The following TLK2 variants were observed in gnomAD, a reference collection of about 807,000 sequenced individuals.
The protein encoded by TLK2 is tousled like kinase 2, also known as serine/threonine-protein kinase tousled-like 2.
A neutral mutation model predicts 117.3 loss-of-function variants in TLK2; 6 were observed. The ratio of observed to expected loss-of-function variants is 0.05; its 90% confidence interval spans 0.03 to 0.10. TLK2 has a LOEUF of 0.10. TLK2 is among the 10% of genes least tolerant of loss of function. The probability of loss-of-function intolerance (pLI) is 1.00; values close to 1 mark genes in which losing one functional copy is unlikely to be tolerated. For synonymous variants in TLK2, 257 were observed against 316.7 expected (o/e 0.81, Z 2.00); for missense variants, 299 against 901.2 (o/e 0.33, Z 8.56).
intron 21 of TLK2, among the ~76,000 whole-genome samples, chr17:62,610,903 G>C (rs192253686): frequency 2.6e-5 from 4 of 152,326 alleles, no homozygotes; most frequent in Admixed American, 6.5e-5. Flanking sequence ...CCTATGGGAA[G>C]ATGAGGTGGC....
At chr17:62,538,040 T>TTG (rs968819540) in intron 7 of TLK2, among the ~76,000 whole-genome samples, 11 of 143,808 alleles carry the variant, frequency 7.6e-5, no homozygotes, top group Non-Finnish European at 1.5e-4. Flanking sequence ...TTTGTTTTTT[T>TTG]TTTTTTTTTT....
intron 19 of TLK2, among the ~76,000 whole-genome samples, chr17:62,605,447 A>G (rs1179711474): frequency 1.3e-5 from 2 of 152,006 alleles, no homozygotes; most frequent in African/African-American, 4.8e-5. Flanking sequence ...ATCTTGGCTC[A>G]CTGCAGTCAA....
At chr17:62,487,764 C>G (rs1459917650) in intron 2 of TLK2, among the ~76,000 whole-genome samples, 1 of 149,394 alleles carries the variant, frequency 6.7e-6, no homozygotes, top group Non-Finnish European at 1.5e-5. Context: ...GCTGGGATTA[C>G]AGGCATGCGC....
chr17:62,576,650 T>C, intron 12 of TLK2, 59 bp from the exon 13 acceptor site: 1 of 1,348,854 alleles, frequency 7.4e-7, no homozygotes, highest in Non-Finnish European at 1.1e-6. Context: ...GCATTTCTCT[T>C]TAAACAGGCA....
chr17:62,577,085 C>T (rs2080861585), intron 13 of TLK2, among the ~76,000 whole-genome samples: 2 of 150,804 alleles, frequency 1.3e-5, no homozygotes, highest in African/African-American at 2.4e-5. Flanking sequence ...GTCTCAGCCT[C>T]CTGACTAGCT....
chr17:62,561,082 G>T lies in TLK2; in HGVS notation c.831+956G>T, dbSNP rs188871346. Reference sequence around the variant, plus strand: ...TATGAGTGAGAACATGCAGTGTTTGGTTTTTTTGTCCTTGCGATAGTTTGC... The same window carrying T: ...TATGAGTGAGAACATGCAGTGTTTGTTTTTTTTGTCCTTGCGATAGTTTGC... On this transcript the variant is annotated intron_variant, in intron 10 of 21. Coordinates refer to ENST00000346027, the MANE Select transcript of TLK2 (RefSeq NM_006852.6). Among the ~76,000 whole-genome samples the T allele has an allele frequency of 6.7e-3, 1,016 of 152,046 alleles. 88 individuals carry two copies. In the East Asian group the frequency reaches 0.17, roughly 26 times the overall value.
chr17:62,556,455 T>C (rs1044189101), intron 9 of TLK2, among the ~76,000 whole-genome samples: 1 of 152,228 alleles, frequency 6.6e-6, no homozygotes, highest in African/African-American at 2.4e-5. Flanking sequence ...TGTTAAATTT[T>C]CTCTGCCTTA....
upstream of TLK2, among the ~76,000 whole-genome samples, chr17:62,477,170 T>A (rs2071075063): frequency 1.3e-5 from 2 of 152,178 alleles, no homozygotes. Context: ...ATTAAAGACC[T>A]AGCCTCACTG....
At chr17:62,521,063 G>A (rs1378631676) in intron 3 of TLK2, among the ~76,000 whole-genome samples, 1 of 152,142 alleles carries the variant, frequency 6.6e-6, no homozygotes, top group African/African-American at 2.4e-5. Context: ...GCTACTTGGA[G>A]GTCGGAGGAT....
intron 7 of TLK2, among the ~76,000 whole-genome samples, chr17:62,547,164 A>G (rs1162776841): frequency 6.6e-6 from 1 of 152,216 alleles, no homozygotes; most frequent in Non-Finnish European, 1.5e-5. Context: ...TTGAAAATCA[A>G]GTGCTAAACT....
Position 62,596,623 on chromosome 17 carries a change from A to T in TLK2, c.1499A>T (p.Asp500Val), listed in dbSNP as rs757207258. Residue 500 changes from aspartate to valine, a missense_variant, in exon 17 of 22, where the codon GAT (aspartate) becomes GTT (valine). This residue lies in a region of TLK2 where 81 missense variants were observed against 370.9 expected (regional missense o/e 0.22). Transcript: ENST00000346027. ...GAATACCGGATTCATAAAGAGCTGGATCATCCCAGAATAGTTAAGCTGTAT... is the reference window on the plus strand; with the variant it reads ...GAATACCGGATTCATAAAGAGCTGGTTCATCCCAGAATAGTTAAGCTGTAT... ...CREYRIHKEL[D>V]HPRIVKLYDY... is the part of the protein sequence containing the mutation. The T allele has an allele frequency of 6.2e-7, 1 of 1,614,180 alleles. No homozygotes were observed. Among genetic ancestry groups the T allele is most frequent in the Non-Finnish European group, 8.5e-7 (1 of 1,180,036 alleles).
intron 5 of TLK2, 76 bp from the exon 6 acceptor site, chr17:62,524,160 A>G (rs2076226317): frequency 5.9e-6 from 8 of 1,356,570 alleles, no homozygotes; most frequent in South Asian, 1.4e-5. Flanking sequence ...CTGTTTGTGT[A>G]TTAATCTTTT....
intron 7 of TLK2, among the ~76,000 whole-genome samples, chr17:62,537,329 G>A (rs1339736097): frequency 6.6e-6 from 1 of 152,224 alleles, no homozygotes; most frequent in Non-Finnish European, 1.5e-5. Context: ...TTTTCTTATA[G>A]TTATGATAGC....
chr17:62,494,740 G>A (rs2073472431), intron 2 of TLK2, among the ~76,000 whole-genome samples: 1 of 152,198 alleles, frequency 6.6e-6, no homozygotes, highest in South Asian at 2.1e-4. Flanking sequence ...TTTATAATCA[G>A]ACAAACAGGG....
chr17:62,473,808 G>C (rs1385565899), intron 1 of TLK2, among the ~76,000 whole-genome samples: 5 of 152,224 alleles, frequency 3.3e-5, no homozygotes, highest in Non-Finnish European at 5.9e-5. Context: ...AGAGTTGGTA[G>C]TTACGACAGA....
At chr17:62,588,473 TTTCCA>T (rs1221105411) in intron 16 of TLK2, among the ~76,000 whole-genome samples, 1 of 152,210 alleles carries the variant, frequency 6.6e-6, no homozygotes, top group Non-Finnish European at 1.5e-5. Flanking sequence ...GTCTAAGTTC[TTTCCA>T]TTCAAGTTCC....
intron 9 of TLK2, among the ~76,000 whole-genome samples, chr17:62,557,298 T>C (rs2078931608): frequency 6.6e-6 from 1 of 152,166 alleles, no homozygotes; most frequent in Non-Finnish European, 1.5e-5. Flanking sequence ...TTGTATATTC[T>C]CTAGGGTTTT....
intron 6 of TLK2, among the ~76,000 whole-genome samples, chr17:62,533,245 G>A (rs983328422): frequency 3.3e-5 from 5 of 151,538 alleles, no homozygotes; most frequent in Non-Finnish European, 7.4e-5. Context: ...TTAACTTTAT[G>A]TTGACTTTTA....
intron 2 of TLK2, among the ~76,000 whole-genome samples, chr17:62,515,059 A>T (rs899224385): frequency 6.6e-6 from 1 of 152,222 alleles, no homozygotes; most frequent in Admixed American, 6.5e-5. Flanking sequence ...GGCAGCTACC[A>T]TTCTACTTTC....
Sources: allele counts gnomAD v4.1 joint callset (sites outside exome capture counted in the v4.1 genomes callset), GRCh38; gene constraint gnomAD v4.1.1; regional missense constraint gnomAD v4.1.1; transcripts MANE v1.5; gene names NCBI Gene and HGNC (gene_info 2026-07-23, HGNC 2026-07-21).